EXOC4: variants seen among roughly 807,000 people sequenced by gnomAD.
EXOC4 encodes exocyst complex component 4.
In EXOC4, 71 loss-of-function variants were observed where a neutral mutation model predicts 107.2. The ratio of observed to expected loss-of-function variants is 0.66; its 90% confidence interval spans 0.55 to 0.81. EXOC4 has a LOEUF of 0.81. Among genes scored for constraint, EXOC4 ranks in the 30% least tolerant of loss-of-function variants. The pLI, the probability that EXOC4 is intolerant of heterozygous loss-of-function variation, is 0.00. For synonymous variants in EXOC4, 456 were observed against 441.2 expected (o/e 1.03, Z -0.42); for missense variants, 1,108 against 1,189.6 (o/e 0.93, Z 1.01).
chr7:134,058,087 T>C (rs1215242830), intron 17 of EXOC4, among the ~76,000 whole-genome samples: 1 of 152,178 alleles, frequency 6.6e-6, no homozygotes, highest in Non-Finnish European at 1.5e-5. Context: ...ATAGATACCA[T>C]TGAGTGGCTG....
At chr7:133,668,471 A>G (rs1334015823) in intron 10 of EXOC4, among the ~76,000 whole-genome samples, 1 of 152,220 alleles carries the variant, frequency 6.6e-6, no homozygotes, top group Non-Finnish European at 1.5e-5. Context: ...GGAATTCAGA[A>G]TGCATTTTCT....
intron 11 of EXOC4, among the ~76,000 whole-genome samples, chr7:133,894,086 C>G (rs1248335669): frequency 2.2e-5 from 2 of 90,582 alleles, no homozygotes; most frequent in Non-Finnish European, 4.0e-5. Context: ...TAGATTTGGT[C>G]TTTTCACATA....
At chr7:133,637,639 A>G (rs962066616) in intron 10 of EXOC4, among the ~76,000 whole-genome samples, 1 of 152,194 alleles carries the variant, frequency 6.6e-6, no homozygotes, top group African/African-American at 2.4e-5. Context: ...AGAATTATGA[A>G]AAAATATTGC....
intron 14 of EXOC4, among the ~76,000 whole-genome samples, chr7:133,969,318 A>C (rs2953629): frequency 0.73 from 111,259 of 152,030 alleles, 41,368 homozygotes; most frequent in East Asian, 0.91. Context: ...TTGTTATTAC[A>C]CACCTTCTGA....
intron 2 of EXOC4, 58 bp from the exon 3 acceptor site, chr7:133,288,864 A>G (rs1794339790): frequency 6.9e-7 from 1 of 1,450,522 alleles, no homozygotes; most frequent in Non-Finnish European, 9.6e-7. Context: ...TAACCAGATT[A>G]TAGGTTTAGA....
chr7:133,525,047 G>A (rs1240155257), intron 9 of EXOC4, among the ~76,000 whole-genome samples: 1 of 152,178 alleles, frequency 6.6e-6, no homozygotes, highest in African/African-American at 2.4e-5. Context: ...CGAAGAGTCT[G>A]TGACATCTTG....
chr7:133,404,919 CACACAT>C (rs1797183200), intron 7 of EXOC4, among the ~76,000 whole-genome samples: 1 of 139,996 alleles, frequency 7.1e-6, no homozygotes, highest in Non-Finnish European at 1.5e-5. Flanking sequence ...CACACACACA[CACACAT>C]TAGTTGGGTG....
At chr7:133,990,518 C>T (rs980220369) in intron 14 of EXOC4, among the ~76,000 whole-genome samples, 1 of 152,124 alleles carries the variant, frequency 6.6e-6, no homozygotes, top group Admixed American at 6.5e-5. Flanking sequence ...GGCGCAATCT[C>T]GGCTCACTGC....
chr7:133,925,550 C>T (rs992074634), intron 13 of EXOC4, among the ~76,000 whole-genome samples: 1 of 152,016 alleles, frequency 6.6e-6, no homozygotes, highest in Non-Finnish European at 1.5e-5. Flanking sequence ...CTAGGGAGGC[C>T]ATGTGTATTA....
chr7:133,654,793 C>G, intron 10 of EXOC4, among the ~76,000 whole-genome samples: 1 of 151,952 alleles, frequency 6.6e-6, no homozygotes. Flanking sequence ...TACTACACGC[C>G]TAGGCTGTAT....
chr7:133,683,428 T>TA (rs1279134884), intron 10 of EXOC4, among the ~76,000 whole-genome samples: 1 of 152,156 alleles, frequency 6.6e-6, no homozygotes, highest in Non-Finnish European at 1.5e-5. Flanking sequence ...GAATCTAACA[T>TA]ATATATTAAA....
At chr7:133,781,848 A>T (rs1041097166) in intron 10 of EXOC4, among the ~76,000 whole-genome samples, 1 of 152,210 alleles carries the variant, frequency 6.6e-6, no homozygotes, top group Non-Finnish European at 1.5e-5. Flanking sequence ...ACTTATCTTT[A>T]GTTTCACCAG....
the EXOC4 span, among the ~76,000 whole-genome samples, chr7:134,073,727 A>G: frequency 6.6e-6 from 1 of 152,064 alleles, no homozygotes; most frequent in Non-Finnish European, 1.5e-5. Context: ...CATTCTCAGC[A>G]GAAGTCCGAC....
chr7:134,030,276 A>G (rs917951055), intron 17 of EXOC4, among the ~76,000 whole-genome samples: 2 of 152,216 alleles, frequency 1.3e-5, no homozygotes, highest in Non-Finnish European at 2.9e-5. Context: ...CTTACATACA[A>G]ATGTTTATAG....
At chr7:133,326,026 C>T (rs1018671579) in intron 5 of EXOC4, among the ~76,000 whole-genome samples, 3 of 152,220 alleles carry the variant, frequency 2.0e-5, no homozygotes, top group African/African-American at 4.8e-5. Flanking sequence ...CTTGTGCATT[C>T]GTCACGTAGT....
At chr7:133,780,235 CA>C (rs916546092) in intron 10 of EXOC4, among the ~76,000 whole-genome samples, 18 of 139,304 alleles carry the variant, frequency 1.3e-4, no homozygotes, top group East Asian at 4.2e-4. Context: ...ATATGCTTCC[CA>C]AAAAAAAAAC....
At chr7:133,355,352 A>G (rs111505312) in intron 5 of EXOC4, among the ~76,000 whole-genome samples, 3,956 of 152,186 alleles carry the variant, frequency 0.026, 97 homozygotes, top group Non-Finnish European at 0.038. Flanking sequence ...GCTTTTGTAT[A>G]TCTTAATCCA....
At chr7:133,348,484 C>G (rs1163985316) in intron 5 of EXOC4, among the ~76,000 whole-genome samples, 1 of 152,192 alleles carries the variant, frequency 6.6e-6, no homozygotes, top group Non-Finnish European at 1.5e-5. Context: ...TCACTAATCA[C>G]TCTTGTGGCA....
chr7:133,984,653 A>C (rs1018252078), intron 14 of EXOC4, among the ~76,000 whole-genome samples: 3 of 152,204 alleles, frequency 2.0e-5, no homozygotes, highest in Non-Finnish European at 4.4e-5. Flanking sequence ...TTTTGTTATC[A>C]CAGATCTCAC....
Sources: gnomAD v4.1 joint callset for allele counts (sites outside exome capture counted in the v4.1 genomes callset) on GRCh38, gnomAD v4.1.1 for gene constraint, MANE v1.5 for transcripts, NCBI Gene and HGNC (gene_info 2026-07-23, HGNC 2026-07-21) for gene names.